Variants in HECW1 observed in about 807,000 individuals in gnomAD.
The protein encoded by HECW1 is HECT, C2 and WW domain containing E3 ubiquitin protein ligase 1.
A neutral mutation model predicts 182.3 loss-of-function variants in HECW1; 61 were observed. That is an observed-to-expected ratio of 0.33 (90% CI 0.27 to 0.41). The LOEUF is 0.41. Among genes scored for constraint, HECW1 ranks in the 10% least tolerant of loss-of-function variants. The pLI is 1.00. For missense variants in HECW1, 1,739 were observed against 2,108.9 expected, an observed-to-expected ratio of 0.82 and a Z score of 3.44; for synonymous variants, 859 against 832.6, an observed-to-expected ratio of 1.03 and a Z score of -0.55.
At chr7:43,367,335 T>G (rs1816783098) in intron 6 of HECW1, among the ~76,000 whole-genome samples, 2 of 152,232 alleles carry the variant, frequency 1.3e-5, no homozygotes, top group South Asian at 4.1e-4. Flanking sequence ...AAAGGAAACC[T>G]CATTAACAAT....
At chr7:43,315,920 A>G (rs539223340) in intron 4 of HECW1, among the ~76,000 whole-genome samples, 1 of 152,196 alleles carries the variant, frequency 6.6e-6, no homozygotes, top group South Asian at 2.1e-4. Flanking sequence ...CTTTTTTCTG[A>G]TGGGTGTAGG....
chr7:43,204,106 G>C (rs1795248733), intron 2 of HECW1, among the ~76,000 whole-genome samples: 2 of 152,176 alleles, frequency 1.3e-5, no homozygotes, highest in Non-Finnish European at 2.9e-5. Context: ...ATTATGGTTA[G>C]AACTCTTATA....
chr7:43,562,993 A>T lies in HECW1; in HGVS notation c.*1067A>T, dbSNP rs78472786. The T allele has an allele frequency of 2.5e-5, 5 of 201,386 alleles. No individual in the cohort carries two copies. Among genetic ancestry groups the T allele is most frequent in the Non-Finnish European group, 4.1e-5 (4 of 97,800 alleles). 12.5% of individuals were successfully genotyped at this position (201,386 alleles called of 1,614,324 possible). A position where few individuals can be genotyped will look rare whatever the true frequency, so the allele number is the denominator to read the frequency against. On this transcript the variant is annotated 3_prime_UTR_variant, in exon 30 of 30. Coordinates refer to ENST00000395891, the MANE Select transcript of HECW1 (RefSeq NM_015052.5). ...CAAACCCTTTTTTTAAAACTTTGAT[A>T]TTTTTTTTTCACATTTTTTTTTCCT...
chr7:43,530,273 T>C (rs2152946407), intron 24 of HECW1, among the ~76,000 whole-genome samples: 1 of 152,078 alleles, frequency 6.6e-6, no homozygotes, highest in East Asian at 1.9e-4. Flanking sequence ...TTTACTGTAA[T>C]CGACACTTTA....
intron 3 of HECW1, among the ~76,000 whole-genome samples, chr7:43,298,175 G>T (rs74671995): frequency 0.11 from 17,340 of 152,204 alleles, 1,122 homozygotes; most frequent in African/African-American, 0.17. Flanking sequence ...CATTCGCCCT[G>T]TCTGGAATAT....
intron 2 of HECW1, among the ~76,000 whole-genome samples, chr7:43,169,482 A>C (rs545160855): frequency 6.6e-6 from 1 of 152,114 alleles, no homozygotes; most frequent in African/African-American, 2.4e-5. Context: ...CCTTTTCCCC[A>C]TTGAGAACCA....
intron 2 of HECW1, among the ~76,000 whole-genome samples, chr7:43,183,053 T>G (rs1440521372): frequency 6.6e-5 from 10 of 152,246 alleles, no homozygotes; most frequent in Non-Finnish European, 1.5e-5. Context: ...TTTATTTTAA[T>G]GCAAGTTTTT....
Position 43,508,095 on chromosome 7 carries a change from G to A in HECW1, c.3830G>A (p.Arg1277Gln), listed in dbSNP as rs150833111. The A allele has an allele frequency of 1.5e-5, 24 of 1,613,944 alleles. No homozygotes were observed. Among genetic ancestry groups the A allele is most frequent in the Non-Finnish European group, 1.7e-5 (20 of 1,179,878 alleles). Residue 1277 changes from arginine to glutamine, a missense_variant, in exon 23 of 30, where the codon CGA (arginine) becomes CAA (glutamine). Arg to Gln is a conservative substitution (Grantham distance 43). Transcript: ENST00000395891. ...GCCTATTCGCGGAAAGAGCTCCAGCGAAACAAGCTCTACGTCACCTTTGTT... is the reference window on the plus strand; with the variant it reads ...GCCTATTCGCGGAAAGAGCTCCAGCAAAACAAGCTCTACGTCACCTTTGTT... ...VMAYSRKELQ[R>Q]NKLYVTFVGE... is the part of the protein sequence containing the mutation.
chr7:43,342,880 G>T (rs1164286138), intron 5 of HECW1, among the ~76,000 whole-genome samples: 1 of 147,848 alleles, frequency 6.8e-6, no homozygotes. Context: ...AAAAAAATCA[G>T]CTGGTCGTAG....
At chr7:43,286,524 T>G (rs1008383865) in intron 3 of HECW1, among the ~76,000 whole-genome samples, 6 of 152,210 alleles carry the variant, frequency 3.9e-5, no homozygotes, top group African/African-American at 1.4e-4. Flanking sequence ...AGTAAATATT[T>G]AAAGGAATAT....
At chr7:43,168,204 G>A (rs1791322464) in intron 2 of HECW1, among the ~76,000 whole-genome samples, 1 of 152,150 alleles carries the variant, frequency 6.6e-6, no homozygotes, top group African/African-American at 2.4e-5. Context: ...TCATGTTTAT[G>A]AGTGTTGAAT....
chr7:43,240,815 C>T (rs1300875070), intron 2 of HECW1, among the ~76,000 whole-genome samples: 1 of 152,122 alleles, frequency 6.6e-6, no homozygotes, highest in Non-Finnish European at 1.5e-5. Context: ...GCAGCCAGGA[C>T]CTATGAAGAA....
chr7:43,450,730 G>A (rs2077206537), intron 11 of HECW1, 98 bp from the exon 12 acceptor site: 3 of 750,090 alleles, frequency 4.0e-6, no homozygotes, highest in Admixed American at 1.9e-5. Context: ...CACTCTTTGG[G>A]GTTGTTTCTT....
intron 2 of HECW1, among the ~76,000 whole-genome samples, chr7:43,231,996 T>C (rs1413988827): frequency 2.5e-5 from 3 of 121,790 alleles, no homozygotes; most frequent in African/African-American, 9.7e-5. Context: ...CACTCCAGCC[T>C]GGGCGACAGA....
chr7:43,263,727 A>G (rs1353668527), intron 3 of HECW1, among the ~76,000 whole-genome samples: 4 of 152,066 alleles, frequency 2.6e-5, no homozygotes, highest in Non-Finnish European at 4.4e-5. Flanking sequence ...GGGAGGGAGG[A>G]AGGTGGGAAG....
At chr7:43,480,897 T>C (rs939817401) in intron 17 of HECW1, among the ~76,000 whole-genome samples, 1 of 152,128 alleles carries the variant, frequency 6.6e-6, no homozygotes, top group Admixed American at 6.5e-5. Flanking sequence ...CGGCACCAGT[T>C]ATTTACCACT....
chr7:43,182,939 G>C (rs1484747343), intron 2 of HECW1, among the ~76,000 whole-genome samples: 10 of 151,750 alleles, frequency 6.6e-5, no homozygotes, highest in Non-Finnish European at 1.0e-4. Context: ...TTTTTTGGTA[G>C]CTATTTTAAA....
At chr7:43,517,390 C>G (rs1003512492) in intron 24 of HECW1, among the ~76,000 whole-genome samples, 2 of 150,276 alleles carry the variant, frequency 1.3e-5, no homozygotes, top group Non-Finnish European at 1.5e-5. Context: ...CAGATACTAC[C>G]TGGGTGGTAA....
intron 13 of HECW1, among the ~76,000 whole-genome samples, chr7:43,460,356 T>C (rs2077539955): frequency 6.6e-6 from 1 of 152,246 alleles, no homozygotes; most frequent in African/African-American, 2.4e-5. Flanking sequence ...TTTCACTTGT[T>C]GGAGCAAGGG....
Sources: allele counts gnomAD v4.1 joint callset (sites outside exome capture counted in the v4.1 genomes callset), GRCh38; gene constraint gnomAD v4.1.1; transcripts MANE v1.5; gene names NCBI Gene and HGNC (gene_info 2026-07-23, HGNC 2026-07-21).